The following UBR4 variants were observed in gnomAD, a reference collection of about 807,000 sequenced individuals.
UBR4 encodes ubiquitin protein ligase E3 component n-recognin 4.
In UBR4, 124 loss-of-function variants were observed where a neutral mutation model predicts 575.6. The observed-to-expected ratio is 0.22, with a 90% CI of 0.19 to 0.25. UBR4 has a LOEUF of 0.25. Among genes scored for constraint, UBR4 ranks in the 10% least tolerant of loss-of-function variants. UBR4 has a pLI of 1.00. For synonymous variants in UBR4, 2,455 were observed against 2,473.7 expected, an observed-to-expected ratio of 0.99 and a Z score of 0.22; for missense variants, 4,818 against 6,478.8, an observed-to-expected ratio of 0.74 and a Z score of 8.80.
At position 19,210,129 on chromosome 1, in the gene UBR4, G is replaced by C; in HGVS notation, c.120C>G (p.Ser40=). ...EVAVRPLLSA[S]YSAFEMKELP... is the part of the protein sequence containing the mutation. ...ACTCCTTCATCTCGAAGGCGGAGTA[G>C]GACGCGGACAGCAGGGGCCGCACAG... is the stretch of plus-strand genomic sequence containing the variant. The change falls in exon 1 of 106, where the codon TCC becomes TCG. Residue 40 remains serine, a synonymous_variant. Transcript: ENST00000375254. 4.4e-6 allele frequency: 7 copies of C among 1,586,368 alleles called. No individual in the cohort carries two copies. Among genetic ancestry groups the C allele is most frequent in the Non-Finnish European group, 6.0e-6 (7 of 1,169,188 alleles).
rs1477070879 is a variant in UBR4 at position 19,093,735 on chromosome 1, T to C, written c.13937+214A>G. On this transcript the variant is annotated intron_variant, in intron 95 of 105. Coordinates refer to ENST00000375254, the MANE Select transcript of UBR4 (RefSeq NM_020765.3). The surrounding 1 kb of genome is among the most constrained non-coding windows in gnomAD (Gnocchi z 4.8). ...TCCATCTCGTCATATTCCTCCCATCTCACCAACCACTTTGCCTTCTCTGAC... is the reference window on the plus strand; with the variant it reads ...TCCATCTCGTCATATTCCTCCCATCCCACCAACCACTTTGCCTTCTCTGAC... Among the ~76,000 whole-genome samples the C allele has an allele frequency of 6.6e-6, 1 of 152,164 alleles. No homozygotes were observed. The highest frequency in any genetic ancestry group is 1.5e-5 in the Non-Finnish European group (1 of 68,026).
Position 19,117,564 on chromosome 1 carries a change from C to T in UBR4, c.10630-150G>A. 1 of 1,003,976 alleles carries T rather than the reference C, an allele frequency of 1.0e-6. No homozygotes were observed. 62.2% of individuals were successfully genotyped at this position (1,003,976 alleles called of 1,614,324 possible). A position where few individuals can be genotyped will look rare whatever the true frequency, so the allele number is the denominator to read the frequency against. On this transcript the variant is annotated intron_variant, in intron 72 of 105. Transcript: ENST00000375254. The surrounding 1 kb of genome is among the most constrained non-coding windows in gnomAD (Gnocchi z 4.0). ...TTTTGTAGAGATGGGGTCTCACCAT[C>T]TTGCCCAGGCTGGTCTAAAACCCCT...
chr1:19,074,911 G>C lies in UBR4; in HGVS notation c.15488-15C>G, dbSNP rs2281748. On this transcript the variant is annotated splice_polypyrimidine_tract_variant and intron_variant, in intron 105 of 105. Transcript: ENST00000375254. ...TGATAAAAGACCTGCAAAGCACAAC[G>C]GGCAGAGGTGTGTCAGGAGCAGGCA... 20 of 1,612,688 alleles carry C rather than the reference G, an allele frequency of 1.2e-5. No homozygotes were observed. In the South Asian group the frequency reaches 1.7e-4, roughly 13 times the overall value.
intron 103 of UBR4, chr1:19,081,095 T>G (rs901175875): frequency 2.4e-6 from 1 of 422,690 alleles, no homozygotes; most frequent in Non-Finnish European, 4.2e-6. Context: ...CTGGCTGCCT[T>G]CCTAACATTT....
chr1:19,115,760 A>G, intron 73 of UBR4, 123 bp from the exon 74 acceptor site: 1 of 1,443,494 alleles, frequency 6.9e-7, no homozygotes, highest in Non-Finnish European at 9.3e-7. Flanking sequence ...ACTCTAAGGA[A>G]AAGAAATCTG....
At chr1:19,143,390 T>C (rs966804666) in intron 55 of UBR4, among the ~76,000 whole-genome samples, 1 of 152,250 alleles carries the variant, frequency 6.6e-6, no homozygotes, top group Non-Finnish European at 1.5e-5. Context: ...CAGAATTATA[T>C]AATTCTGTTA....
Position 19,119,647 on chromosome 1 carries a change from C to A in UBR4, c.10365G>T (p.Trp3455Cys), listed in dbSNP as rs2080959734. The part of the protein sequence containing the change: ...ELLLDLMWSI[W>C]PELPAYGRKA... Reference sequence around the variant, plus strand: ...TACGACCATAGGCTGGGAGTTCTGGCCAGATGGACCACATCAGATCTAGCA... The same window carrying A: ...TACGACCATAGGCTGGGAGTTCTGGACAGATGGACCACATCAGATCTAGCA... Residue 3455 changes from tryptophan (W) to cysteine (C), a missense_variant, in exon 70 of 106, where the codon TGG (tryptophan) becomes TGT (cysteine). By Grantham distance (215) the Trp-to-Cys change is radical. This residue lies in a region of UBR4 where 550 missense variants were observed against 791.5 expected (regional missense o/e 0.69). Transcript: ENST00000375254. 6.2e-7 allele frequency: 1 copy of A among 1,613,966 alleles called. No individual in the cohort carries two copies. The highest frequency in any genetic ancestry group is 8.5e-7 in the Non-Finnish European group (1 of 1,179,882).
At position 19,163,812 on chromosome 1, in the gene UBR4, T is replaced by C. The variant is rs1571314417; in HGVS notation, c.4716A>G (p.Ser1572=). Residue 1572 remains serine, a synonymous_variant, in exon 34 of 106, where the codon TCA becomes TCG. Coordinates refer to ENST00000375254, the MANE Select transcript of UBR4 (RefSeq NM_020765.3). The part of the protein sequence containing the change: ...DWLSRCKKYL[S]QKNVVEKLNA... ...TCAGTTTTTCAACTACATTCTTCTG[T>C]GACAGGTATTTCTTGCTGTCCCAAA... 42 of 1,614,108 alleles carry C rather than the reference T, an allele frequency of 2.6e-5. No homozygotes were observed. The highest frequency in any genetic ancestry group is 3.4e-5 in the Non-Finnish European group (40 of 1,180,016).
At chr1:19,159,024 C>A (rs2086870238) in intron 39 of UBR4, among the ~76,000 whole-genome samples, 1 of 152,126 alleles carries the variant, frequency 6.6e-6, no homozygotes, top group Non-Finnish European at 1.5e-5. Context: ...TGCCTCCAGT[C>A]TCAGCTTCTC....
At position 19,165,822 on chromosome 1, in the gene UBR4, G is replaced by A. The variant is rs546879161; in HGVS notation, c.4110-65C>T. 216 of 1,375,290 alleles carry A rather than the reference G, an allele frequency of 1.6e-4. 1 individual carries two copies. The highest frequency in any genetic ancestry group is 7.3e-4 in the Middle Eastern group (4 of 5,448). 85.2% of individuals were successfully genotyped at this position (1,375,290 alleles called of 1,614,324 possible). A position where few individuals can be genotyped will look rare whatever the true frequency, so the allele number is the denominator to read the frequency against. On this transcript the variant is annotated intron_variant, in intron 29 of 105. Transcript: ENST00000375254. Reference sequence around the variant, plus strand: ...CCTGTTTCAATGTCCTCCTTATGGTGATTTATTAAAATCCAAAGTTTGTCT... The same window carrying A: ...CCTGTTTCAATGTCCTCCTTATGGTAATTTATTAAAATCCAAAGTTTGTCT...
intron 3 of UBR4, 77 bp from the exon 4 acceptor site, chr1:19,199,005 T>C (rs2092613482): frequency 6.5e-7 from 1 of 1,540,424 alleles, no homozygotes; most frequent in Non-Finnish European, 8.8e-7. Context: ...TTTTGGAAAT[T>C]CTAACTGGCA....
At chr1:19,178,202 C>T (rs1000281257) in intron 18 of UBR4, among the ~76,000 whole-genome samples, 3 of 152,132 alleles carry the variant, frequency 2.0e-5, no homozygotes, top group Non-Finnish European at 4.4e-5. Context: ...GGTTAAAAAT[C>T]ACTGCATGAT....
intron 60 of UBR4, among the ~76,000 whole-genome samples, chr1:19,134,086 TAAAAAAA>T (rs71030132): frequency 7.6e-5 from 4 of 52,522 alleles, no homozygotes; most frequent in East Asian, 6.8e-4. Flanking sequence ...ACTCTGTCTC[TAAAAAAA>T]AAAAAAAAAA....
Position 19,152,173 on chromosome 1 carries a change from A to G in UBR4, c.6996+140T>C. 3.1e-6 allele frequency: 4 copies of G among 1,283,384 alleles called. No homozygotes were observed. The highest frequency in any genetic ancestry group is 2.2e-6 in the Non-Finnish European group (2 of 928,346). 79.5% of individuals were successfully genotyped at this position (1,283,384 alleles called of 1,614,324 possible). A position where few individuals can be genotyped will look rare whatever the true frequency, so the allele number is the denominator to read the frequency against. ...GTGAGTAAGAATATCCATTTTTCTA[A>G]GGAACCATTTAACTAGAACCGAGGG... On this transcript the variant is annotated intron_variant, in intron 47 of 105. Coordinates refer to ENST00000375254, the MANE Select transcript of UBR4 (RefSeq NM_020765.3). The surrounding 1 kb of genome is among the most constrained non-coding windows in gnomAD (Gnocchi z 4.4).
chr1:19,143,958 C>T, intron 55 of UBR4, 22 bp downstream of exon 55: 3 of 1,608,724 alleles, frequency 1.9e-6, no homozygotes, highest in Non-Finnish European at 2.6e-6. Context: ...AGGCTTGAGC[C>T]TAAACCCAGA....
At chr1:19,189,318 C>T (rs1006789346) in intron 11 of UBR4, among the ~76,000 whole-genome samples, 4 of 152,168 alleles carry the variant, frequency 2.6e-5, no homozygotes, top group Non-Finnish European at 5.9e-5. Flanking sequence ...GTCCTAACAA[C>T]GGTACTTTTG....
chr1:19,187,230 T>C lies in UBR4; in HGVS notation c.1566A>G (p.Gln522=). 6.2e-7 allele frequency: 1 copy of C among 1,614,006 alleles called. No individual in the cohort carries two copies. The highest frequency in any genetic ancestry group is 8.5e-7 in the Non-Finnish European group (1 of 1,179,974). The change falls in exon 13 of 106, where the codon CAA becomes CAG. Residue 522 remains glutamine, a synonymous_variant. Coordinates refer to ENST00000375254, the MANE Select transcript of UBR4 (RefSeq NM_020765.3). ...TCAGTGGGACAGAGTCAATCAGCCG[T>C]TGAATCCTCTGTATGGAGGTGCTCT... The part of the protein sequence containing the change: ...MAQSTSIQRI[Q]RLIDSVPLMN...
intron 78 of UBR4, chr1:19,111,771 C>T (rs1314657921): frequency 6.6e-6 from 1 of 152,232 alleles, no homozygotes; most frequent in Non-Finnish European, 1.5e-5. Context: ...CAGGCATGCA[C>T]CACTACACCT....
intron 62 of UBR4, 116 bp from the exon 63 acceptor site, chr1:19,127,855 C>G: frequency 3.5e-6 from 3 of 852,088 alleles, no homozygotes; most frequent in Non-Finnish European, 5.7e-6. Flanking sequence ...CAGATTGAAT[C>G]AGACACAAAA....
Sources: allele counts gnomAD v4.1 joint callset (sites outside exome capture counted in the v4.1 genomes callset), GRCh38; gene constraint gnomAD v4.1.1; regional missense constraint gnomAD v4.1.1; non-coding constraint Gnocchi (gnomAD v3.1); transcripts MANE v1.5; gene names NCBI Gene and HGNC (gene_info 2026-07-23, HGNC 2026-07-21).